The following SDK1 variants were observed in gnomAD, a reference collection of about 807,000 sequenced individuals.
SDK1 encodes the protein sidekick cell adhesion molecule 1.
Under a neutral mutation model 245.5 loss-of-function variants are expected in SDK1, and 157 were observed. That is an observed-to-expected ratio of 0.64 (90% confidence interval 0.56 to 0.73). The LOEUF is 0.73. Among genes scored for constraint, SDK1 ranks in the 30% least tolerant of loss-of-function variants. SDK1 has a pLI of 0.00. For missense variants in SDK1, 3,583 were observed against 3,002.3 expected, an observed-to-expected ratio of 1.19 and a Z score of -4.52; for synonymous variants, 1,647 against 1,278.5, an observed-to-expected ratio of 1.29 and a Z score of -6.15.
intron 38 of SDK1, among the ~76,000 whole-genome samples, chr7:4,219,377 A>T (rs1304015552): frequency 1.3e-5 from 2 of 152,204 alleles, no homozygotes; most frequent in African/African-American, 2.4e-5. Context: ...AAGGAAAGAG[A>T]TTTAATGGAC....
chr7:3,458,419 A>G (rs1780733488), intron 1 of SDK1, among the ~76,000 whole-genome samples: 1 of 152,116 alleles, frequency 6.6e-6, no homozygotes, highest in Non-Finnish European at 1.5e-5. Context: ...AGATGAATAA[A>G]TGAACTCCTT....
At chr7:3,317,998 T>G (rs1338038329) in intron 1 of SDK1, among the ~76,000 whole-genome samples, 2 of 152,184 alleles carry the variant, frequency 1.3e-5, no homozygotes, top group Non-Finnish European at 2.9e-5. Flanking sequence ...AGCCCCCTAG[T>G]TCCCCCTGCT....
At chr7:3,924,471 C>G (rs2128114464) in intron 5 of SDK1, among the ~76,000 whole-genome samples, 1 of 152,294 alleles carries the variant, frequency 6.6e-6, no homozygotes, top group South Asian at 2.1e-4. Context: ...CTCCCCCACC[C>G]CTGCTGCACC....
intron 16 of SDK1, among the ~76,000 whole-genome samples, chr7:4,012,517 G>T (rs1350784340): frequency 7.4e-6 from 1 of 134,868 alleles, no homozygotes; most frequent in Non-Finnish European, 1.6e-5. Context: ...GGTATTAGGG[G>T]TTGGAAGCAA....
intron 4 of SDK1, among the ~76,000 whole-genome samples, chr7:3,751,281 G>T (rs557111478): frequency 7.2e-5 from 11 of 152,286 alleles, no homozygotes; most frequent in African/African-American, 2.6e-4. Flanking sequence ...TCAAATAAGA[G>T]AGCTAATAAA....
intron 4 of SDK1, among the ~76,000 whole-genome samples, chr7:3,720,801 T>A (rs1277625337): frequency 3.3e-5 from 5 of 152,224 alleles, no homozygotes; most frequent in African/African-American, 1.2e-4. Flanking sequence ...ACATGAGTGT[T>A]TCTAGCACCA....
At chr7:3,663,148 G>T (rs980771427) in intron 4 of SDK1, among the ~76,000 whole-genome samples, 13 of 152,164 alleles carry the variant, frequency 8.5e-5, no homozygotes, top group Admixed American at 2.6e-4. Flanking sequence ...ATGGTAAGCA[G>T]AAAAATTGTT....
intron 1 of SDK1, among the ~76,000 whole-genome samples, chr7:3,424,464 A>T (rs994569309): frequency 6.6e-6 from 1 of 152,206 alleles, no homozygotes; most frequent in African/African-American, 2.4e-5. Flanking sequence ...TTTCACACTG[A>T]TAAAAACAGG....
chr7:3,659,270 C>T (rs182753907), intron 4 of SDK1, among the ~76,000 whole-genome samples: 68 of 152,148 alleles, frequency 4.5e-4, no homozygotes, highest in African/African-American at 1.6e-3. Context: ...CTGCCCTGGT[C>T]GGTACTGGTA....
intron 1 of SDK1, among the ~76,000 whole-genome samples, chr7:3,376,782 A>G (rs1223614836): frequency 1.3e-5 from 2 of 152,156 alleles, no homozygotes; most frequent in Non-Finnish European, 2.9e-5. Flanking sequence ...CACACACAGA[A>G]AGATGTGTAT....
chr7:3,997,424 AC>A (rs924464784), intron 14 of SDK1, among the ~76,000 whole-genome samples: 2 of 151,490 alleles, frequency 1.3e-5, no homozygotes, highest in African/African-American at 4.9e-5. Flanking sequence ...TGTTATATAC[AC>A]CTCTGCTGGC....
intron 1 of SDK1, among the ~76,000 whole-genome samples, chr7:3,372,526 A>G (rs1277674268): frequency 6.6e-6 from 1 of 152,218 alleles, no homozygotes; most frequent in South Asian, 2.1e-4. Context: ...GAGGGAGCCC[A>G]TCTGAGGACA....
At chr7:4,185,826 A>G (rs1324270967) in intron 35 of SDK1, among the ~76,000 whole-genome samples, 1 of 149,818 alleles carries the variant, frequency 6.7e-6, no homozygotes, top group South Asian at 2.1e-4. Flanking sequence ...TGGGAGGGAG[A>G]GAAACACATT....
intron 4 of SDK1, among the ~76,000 whole-genome samples, chr7:3,678,368 A>C (rs1783974416): frequency 6.6e-6 from 1 of 152,238 alleles, no homozygotes; most frequent in African/African-American, 2.4e-5. Flanking sequence ...GAAATAATCT[A>C]AGTGTCCATC....
chr7:3,942,770 G>A (rs2128121981), intron 5 of SDK1, among the ~76,000 whole-genome samples: 1 of 152,300 alleles, frequency 6.6e-6, no homozygotes, highest in East Asian at 1.9e-4. Flanking sequence ...AAACCCTGGA[G>A]ATTGTTTTTA....
chr7:3,673,557 T>A (rs1783787080), intron 4 of SDK1, among the ~76,000 whole-genome samples: 1 of 152,150 alleles, frequency 6.6e-6, no homozygotes, highest in African/African-American at 2.4e-5. Flanking sequence ...ATTACATGAG[T>A]TTATTAACAT....
intron 1 of SDK1, among the ~76,000 whole-genome samples, chr7:3,424,935 TA>T (rs1458389634): frequency 6.6e-6 from 1 of 152,166 alleles, no homozygotes; most frequent in East Asian, 1.9e-4. Flanking sequence ...AAATAAAACC[TA>T]AAATAAGAAG....
intron 5 of SDK1, among the ~76,000 whole-genome samples, chr7:3,897,647 C>G (rs1047887964): frequency 4.6e-5 from 7 of 152,130 alleles, no homozygotes; most frequent in Admixed American, 3.3e-4. Context: ...GAACAGTGCT[C>G]CCATTTGCCA....
intron 35 of SDK1, among the ~76,000 whole-genome samples, chr7:4,195,781 G>T (rs772115068): frequency 6.6e-6 from 1 of 152,102 alleles, no homozygotes; most frequent in Non-Finnish European, 1.5e-5. Flanking sequence ...AAGCAGTGCC[G>T]CAGGAGCTCT....
Sources: allele counts gnomAD v4.1 joint callset (sites outside exome capture counted in the v4.1 genomes callset), GRCh38; gene constraint gnomAD v4.1.1; transcripts MANE v1.5; gene names NCBI Gene and HGNC (gene_info 2026-07-23, HGNC 2026-07-21).